BMP1: variants seen among roughly 807,000 people sequenced by gnomAD.
BMP1 encodes mammalian tolloid protein.
BMP1 carries 63 observed loss-of-function variants against 116.8 expected under a neutral mutation model. The ratio of observed to expected loss-of-function variants is 0.54; its 90% CI spans 0.44 to 0.67. The LOEUF (loss-of-function observed/expected upper bound fraction) is 0.67. BMP1 is among the 30% of genes least tolerant of loss of function. The pLI is 0.00. For synonymous variants in BMP1, 536 were observed against 533.4 expected (o/e 1.00, Z -0.07); for missense variants, 1,183 against 1,358.9 (o/e 0.87, Z 2.04).
At chr8:22,206,501 CAAAAA>C (rs759348690) in intron 16 of BMP1, among the ~76,000 whole-genome samples, 1 of 107,050 alleles carries the variant, frequency 9.3e-6, no homozygotes, top group African/African-American at 3.3e-5. Context: ...GACTCCATCT[CAAAAA>C]AAAAAAAAAG....
intron 14 of BMP1, 117 bp downstream of exon 14, chr8:22,196,957 G>A (rs1424990038): frequency 1.9e-5 from 26 of 1,336,144 alleles, no homozygotes; most frequent in Middle Eastern, 2.1e-4. Flanking sequence ...TGCAAATATC[G>A]AGGAGAGACT....
intron 1 of BMP1, among the ~76,000 whole-genome samples, chr8:22,171,871 C>T (rs1299814573): frequency 6.6e-6 from 1 of 152,194 alleles, no homozygotes; most frequent in African/African-American, 2.4e-5. Context: ...AGAATATCAG[C>T]GTGGCAATTC....
At chr8:22,170,235 G>A (rs1046326914) in intron 1 of BMP1, 6 of 152,496 alleles carry the variant, frequency 3.9e-5, no homozygotes, top group Non-Finnish European at 8.8e-5. Context: ...ACAGTTCTGT[G>A]GCCTCTGCAC....
chr8:22,192,159 C>T lies in BMP1; in HGVS notation c.1180+8C>T, dbSNP rs769104277. The stretch of plus-strand genomic sequence containing the variant: ...GGAAGGCGCCCCTCCGAGGTAACGG[C>T]ACCAGCCACCCCCTGCCCCCTCCAT... On this transcript the variant is annotated splice_region_variant and intron_variant, in intron 9 of 19. Transcript: ENST00000306385. 1 of 1,607,758 alleles carries T rather than the reference C, an allele frequency of 6.2e-7. No individual in the cohort carries two copies. The highest frequency in any genetic ancestry group is 1.7e-5 in the Admixed American group (1 of 60,000).
intron 1 of BMP1, among the ~76,000 whole-genome samples, chr8:22,172,406 C>T (rs1448699146): frequency 6.6e-6 from 1 of 152,008 alleles, no homozygotes; most frequent in Non-Finnish European, 1.5e-5. Flanking sequence ...CTCCTCAGCT[C>T]CAGATACTGG....
At chr8:22,195,889 T>C (rs1829070488) in intron 13 of BMP1, among the ~76,000 whole-genome samples, 1 of 152,108 alleles carries the variant, frequency 6.6e-6, no homozygotes, top group African/African-American at 2.4e-5. Context: ...CCTCAAGTAC[T>C]CCTCCTGCCT....
chr8:22,167,777 C>T (rs1001484225), intron 1 of BMP1, among the ~76,000 whole-genome samples: 2 of 152,184 alleles, frequency 1.3e-5, no homozygotes, highest in Non-Finnish European at 2.9e-5. Flanking sequence ...GCCTCCCTCT[C>T]GGGTGTGACT....
intron 15 of BMP1, chr8:22,201,355 C>A: frequency 6.7e-7 from 1 of 1,485,106 alleles, no homozygotes; most frequent in Non-Finnish European, 8.9e-7. Context: ...TCTCTTCTCC[C>A]CACTGTGCCC....
intron 8 of BMP1, among the ~76,000 whole-genome samples, chr8:22,190,776 C>A (rs1235266952): frequency 6.6e-6 from 1 of 152,302 alleles, no homozygotes; most frequent in Admixed American, 6.5e-5. Flanking sequence ...TCTTTTTCAT[C>A]CTGGCCTCCA....
chr8:22,186,508 C>T (rs1274169126), intron 8 of BMP1, among the ~76,000 whole-genome samples: 4 of 152,148 alleles, frequency 2.6e-5, no homozygotes, highest in Non-Finnish European at 5.9e-5. Flanking sequence ...CACTCTGTTG[C>T]CCAGGCTGGA....
At chr8:22,190,823 C>T (rs1333850464) in intron 8 of BMP1, among the ~76,000 whole-genome samples, 1 of 152,184 alleles carries the variant, frequency 6.6e-6, no homozygotes, top group African/African-American at 2.4e-5. Context: ...ACAAGGGAGG[C>T]AGACGGTCCC....
chr8:22,188,724 C>A (rs1479603784), intron 8 of BMP1, among the ~76,000 whole-genome samples: 3 of 152,204 alleles, frequency 2.0e-5, no homozygotes, highest in Non-Finnish European at 4.4e-5. Context: ...TCCTCCTGAG[C>A]GATGTGACCT....
In BMP1 at chr8:22,211,816, A is replaced by G. The variant is rs759326641; in HGVS notation, c.*88A>G. ...GGGGGTGGGCGGAAGGCAACGCACC[A>G]TCCCTCTCCCCCAGGCCCCAGGACC... On this transcript the variant is annotated 3_prime_UTR_variant, in exon 20 of 20. Transcript: ENST00000306385. 1.4e-5 allele frequency: 23 copies of G among 1,592,386 alleles called. No individual in the cohort carries two copies. The highest frequency in any genetic ancestry group is 8.4e-5 in the Admixed American group (5 of 59,596).
intron 14 of BMP1, 122 bp from the exon 15 acceptor site, chr8:22,197,118 C>A (rs767971995): frequency 1.3e-5 from 17 of 1,294,158 alleles, no homozygotes; most frequent in Non-Finnish European, 1.8e-5. Flanking sequence ...CAGGAGGATC[C>A]AGTGAGGGGG....
At chr8:22,182,006 A>C (rs1828636471) in intron 8 of BMP1, among the ~76,000 whole-genome samples, 1 of 152,152 alleles carries the variant, frequency 6.6e-6, no homozygotes, top group South Asian at 2.1e-4. Context: ...ATCACTTCTT[A>C]GATCCATTCC....
At position 22,210,834 on chromosome 8, in the gene BMP1, C is replaced by T. The variant is rs560222751; in HGVS notation, c.2827-760C>T. 2.0e-5 allele frequency among the ~76,000 whole-genome samples: 3 copies of T among 152,368 alleles called. No individual in the cohort carries two copies. In the South Asian group the frequency reaches 6.2e-4, roughly 32 times the overall value. ...CCAGGTGTCTTCTTCCAGAGACCTC[C>T]CCCAGGCTGAGTTGACCGGAAGGAA... On this transcript the variant is annotated intron_variant, in intron 19 of 19. Coordinates refer to ENST00000306385, the MANE Select transcript of BMP1 (RefSeq NM_006129.5).
chr8:22,207,094 C>T, intron 17 of BMP1, 113 bp downstream of exon 17: 1 of 1,515,538 alleles, frequency 6.6e-7, no homozygotes, highest in Non-Finnish European at 8.9e-7. Context: ...CCCCAGGAGA[C>T]CCCAAGTCTG....
chr8:22,205,993 G>A (rs1232363911), intron 16 of BMP1, among the ~76,000 whole-genome samples: 1 of 152,292 alleles, frequency 6.6e-6, no homozygotes, highest in East Asian at 1.9e-4. Context: ...AGGAGTGGGG[G>A]TGGGGAGAAC....
In BMP1 at chr8:22,206,834, C is replaced by T. The variant is rs142089697; in HGVS notation, c.2234-20C>T. The T allele has an allele frequency of 7.5e-3, 12,109 of 1,614,006 alleles. 65 individuals are homozygous for T. Among genetic ancestry groups the T allele is most frequent in the Non-Finnish European group, 9.4e-3 (11,034 of 1,179,926 alleles). ...CTTGGGGTCCCTCTCTATCCCCTTCCGTCACTCGCTTCCCTGCAGCCGGCT... is the reference window on the plus strand; with the variant it reads ...CTTGGGGTCCCTCTCTATCCCCTTCTGTCACTCGCTTCCCTGCAGCCGGCT... On this transcript the variant is annotated intron_variant, in intron 16 of 19. Transcript: ENST00000306385.
Sources: gnomAD v4.1 joint callset for allele counts (sites outside exome capture counted in the v4.1 genomes callset) on GRCh38, gnomAD v4.1.1 for gene constraint, MANE v1.5 for transcripts, NCBI Gene and HGNC (gene_info 2026-07-23, HGNC 2026-07-21) for gene names.